The following CD53 variants were observed in gnomAD, a reference collection of about 807,000 sequenced individuals.
The protein encoded by CD53 is CD53 molecule.
In CD53, 20 loss-of-function variants were observed where a neutral mutation model predicts 27.3. The observed-to-expected ratio is 0.73, with a 90% CI of 0.52 to 1.07. The LOEUF is 1.07. Ranked by LOEUF, CD53 falls within the 50% of genes least tolerant of loss-of-function variation. CD53 has a pLI of 0.00. For missense variants in CD53, 216 were observed against 264.0 expected (o/e 0.82, Z 1.26); for synonymous variants, 106 against 105.3 (o/e 1.01, Z -0.04).
In CD53 at chr1:110,890,295, G is replaced by A. The variant is rs182612447; in HGVS notation, c.-17-1097G>A. Among the ~76,000 whole-genome samples, 78 of 152,262 alleles carry A rather than the reference G, an allele frequency of 5.1e-4. 1 individual carries two copies. The East Asian group carries it at 0.012, about 23-fold the overall frequency. The stretch of plus-strand genomic sequence containing the variant: ...AAAATTCAAAATTCTGGCCAGGTGC[G>A]GTAGCTCATGCCTGTAATCCCAGCA... On this transcript the variant is annotated intron_variant, in intron 1 of 7. Coordinates refer to ENST00000271324, the MANE Select transcript of CD53 (RefSeq NM_000560.4).
intron 1 of CD53, among the ~76,000 whole-genome samples, chr1:110,873,937 C>T (rs1039840162): frequency 2.6e-5 from 4 of 152,200 alleles, no homozygotes; most frequent in Non-Finnish European, 5.9e-5. Context: ...ATAAATGTCA[C>T]ATGAAATGCA....
At chr1:110,881,579 G>A (rs934890801) in intron 1 of CD53, among the ~76,000 whole-genome samples, 6 of 152,126 alleles carry the variant, frequency 3.9e-5, no homozygotes, top group Non-Finnish European at 8.8e-5. Context: ...TCCTGTACTA[G>A]TCCTAGTATG....
intron 7 of CD53, among the ~76,000 whole-genome samples, chr1:110,898,414 A>G (rs1027564213): frequency 2.5e-4 from 38 of 151,410 alleles, no homozygotes; most frequent in African/African-American, 9.2e-4. Flanking sequence ...TCTCTGGTCA[A>G]TTCATTCCTC....
chr1:110,878,213 ACTAT>A (rs1656201556), intron 1 of CD53, among the ~76,000 whole-genome samples: 1 of 152,194 alleles, frequency 6.6e-6, no homozygotes, highest in African/African-American at 2.4e-5. Flanking sequence ...GATTCAGTGA[ACTAT>A]CTATTATGTA....
chr1:110,891,326 G>A, intron 1 of CD53, 66 bp from the exon 2 acceptor site: 1 of 1,082,950 alleles, frequency 9.2e-7, no homozygotes, highest in South Asian at 1.3e-5. Flanking sequence ...CTGAACATTT[G>A]TGCACTCTGA....
chr1:110,873,449 A>G (rs138436326), intron 1 of CD53, among the ~76,000 whole-genome samples: 3 of 152,220 alleles, frequency 2.0e-5, no homozygotes, highest in Non-Finnish European at 4.4e-5. Flanking sequence ...ACTTTTACTT[A>G]ATCAGGTTCC....
At chr1:110,896,893 A>G (rs1657086503) in intron 6 of CD53, among the ~76,000 whole-genome samples, 160 bp downstream of exon 6, 1 of 152,260 alleles carries the variant, frequency 6.6e-6, no homozygotes, top group Non-Finnish European at 1.5e-5. Context: ...TAGAAAAGTC[A>G]GAAAAACATA....
intron 7 of CD53, among the ~76,000 whole-genome samples, chr1:110,898,822 GCA>G (rs1287754001): frequency 2.1e-4 from 32 of 152,276 alleles, no homozygotes; most frequent in Middle Eastern, 3.4e-3. Flanking sequence ...ATAACTCATT[GCA>G]CAGTGTTCAG....
intron 1 of CD53, among the ~76,000 whole-genome samples, chr1:110,887,380 T>C (rs1219631496): frequency 6.6e-6 from 1 of 152,160 alleles, no homozygotes; most frequent in African/African-American, 2.4e-5. Flanking sequence ...TTTGAAAACA[T>C]AGTATCTGGC....
upstream of CD53, chr1:110,873,142 T>G (rs1331482175): frequency 1.3e-5 from 2 of 152,594 alleles, no homozygotes; most frequent in African/African-American, 4.8e-5. Context: ...TCACTTCTCC[T>G]TTTACACAAA....
intron 3 of CD53, 88 bp downstream of exon 3, chr1:110,892,621 G>C (rs1313987034): frequency 1.9e-6 from 2 of 1,055,702 alleles, no homozygotes; most frequent in Non-Finnish European, 2.8e-6. Flanking sequence ...ATCACTTATA[G>C]GCACAGAAAG....
At chr1:110,893,484 G>A (rs569507871) in intron 3 of CD53, among the ~76,000 whole-genome samples, 2 of 152,186 alleles carry the variant, frequency 1.3e-5, no homozygotes, top group Admixed American at 6.5e-5. Context: ...CACCATGTCC[G>A]GCTAATTCTG....
chr1:110,882,299 T>G (rs1360214540), intron 1 of CD53, among the ~76,000 whole-genome samples: 1 of 152,158 alleles, frequency 6.6e-6, no homozygotes, highest in Non-Finnish European at 1.5e-5. Context: ...AGTTCATTTT[T>G]GCATATTAAT....
intron 7 of CD53, among the ~76,000 whole-genome samples, chr1:110,898,352 G>A (rs1265292074): frequency 1.3e-5 from 2 of 149,450 alleles, no homozygotes; most frequent in East Asian, 3.9e-4. Flanking sequence ...ACTCCTGCCT[G>A]GGCGACAGAG....
chr1:110,899,713 A>G lies in CD53; in HGVS notation c.*518A>G, dbSNP rs1156481189. 6.4e-6 allele frequency: 1 copy of G among 155,114 alleles called. No homozygotes were observed. The highest frequency in any genetic ancestry group is 1.4e-5 in the Non-Finnish European group (1 of 69,878). 9.6% of individuals were successfully genotyped at this position (155,114 alleles called of 1,614,324 possible). A position where few individuals can be genotyped will look rare whatever the true frequency, so the allele number is the denominator to read the frequency against. ...CACAGTTCTCTTTCTCCAAAGGGCA[A>G]GATCTCATTTCAATTTCTTTATTAG... On this transcript the variant is annotated 3_prime_UTR_variant, in exon 8 of 8. Transcript: ENST00000271324.
intron 1 of CD53, among the ~76,000 whole-genome samples, chr1:110,877,883 T>G (rs1656188692): frequency 6.6e-6 from 1 of 152,296 alleles, no homozygotes. Flanking sequence ...ATAACTTTGA[T>G]TGCACCTCAG....
At chr1:110,883,581 C>T (rs1017203073) in intron 1 of CD53, among the ~76,000 whole-genome samples, 2 of 151,684 alleles carry the variant, frequency 1.3e-5, no homozygotes, top group African/African-American at 2.4e-5. Context: ...GAGAGTGTAC[C>T]CTCCTTTTCT....
intron 6 of CD53, 65 bp downstream of exon 6, chr1:110,896,798 C>A: frequency 7.1e-7 from 1 of 1,410,034 alleles, no homozygotes; most frequent in Middle Eastern, 1.8e-4. Flanking sequence ...ACCTCGGAAA[C>A]TGCAGTCATA....
chr1:110,896,678 C>T lies in CD53; in HGVS notation c.449C>T (p.Thr150Met), dbSNP rs369006161. ...CTGCAGTGTTGTGGTATAAATGGCA[C>T]GAGTGATTGGACCAGTGGCCCACCA... Reference protein sequence around the residue: ...SFLQCCGINGTSDWTSGPPAS... With the variant: ...SFLQCCGINGMSDWTSGPPAS... Residue 150 changes from threonine to methionine, a missense_variant, in exon 6 of 8, where the codon ACG becomes ATG. Coordinates refer to ENST00000271324, the MANE Select transcript of CD53 (RefSeq NM_000560.4). The T allele has an allele frequency of 3.7e-6, 6 of 1,613,406 alleles. No individual in the cohort carries two copies. The highest frequency in any genetic ancestry group is 1.7e-4 in the Middle Eastern group (1 of 6,058).
Sources: gnomAD v4.1 joint callset for allele counts (sites outside exome capture counted in the v4.1 genomes callset) on GRCh38, gnomAD v4.1.1 for gene constraint, MANE v1.5 for transcripts, NCBI Gene and HGNC (gene_info 2026-07-23, HGNC 2026-07-21) for gene names.